Variants in MAP3K7CL observed in about 807,000 individuals in gnomAD.
MAP3K7CL encodes the protein MAP3K7 C-terminal-like protein.
MAP3K7CL carries 16 observed loss-of-function variants against 18.6 expected under a neutral mutation model. That is an observed-to-expected ratio of 0.86 (90% CI 0.58 to 1.31). MAP3K7CL has a LOEUF of 1.31. Among genes scored for constraint, MAP3K7CL ranks in the 50% most tolerant of loss-of-function variants. The probability of loss-of-function intolerance (pLI) is 0.00; values close to 1 mark genes in which losing one functional copy is unlikely to be tolerated. For synonymous variants in MAP3K7CL, 65 were observed against 66.8 expected (o/e 0.97, Z 0.13); for missense variants, 163 against 174.4 (o/e 0.93, Z 0.37).
intron 4 of MAP3K7CL, among the ~76,000 whole-genome samples, chr21:29,110,994 C>T (rs1286726916): frequency 1.3e-5 from 2 of 152,102 alleles, no homozygotes; most frequent in Admixed American, 6.6e-5. Flanking sequence ...CAGTGGCTCA[C>T]GGCTGTAATC....
intron 1 of MAP3K7CL, among the ~76,000 whole-genome samples, chr21:29,090,721 G>C (rs1388800327): frequency 6.6e-6 from 1 of 151,056 alleles, no homozygotes; most frequent in Non-Finnish European, 1.5e-5. Flanking sequence ...GACTTTTTTT[G>C]CATGGAGCCA....
At chr21:29,121,290 C>G (rs959427670) in intron 4 of MAP3K7CL, among the ~76,000 whole-genome samples, 3 of 151,874 alleles carry the variant, frequency 2.0e-5, no homozygotes, top group African/African-American at 7.3e-5. Context: ...GTGGCCAACT[C>G]ATGGGAAAAC....
chr21:29,160,072 C>G lies in MAP3K7CL; in HGVS notation c.248+16C>G, dbSNP rs750091957. The G allele has an allele frequency of 1.3e-6, 2 of 1,593,476 alleles. No individual in the cohort carries two copies. Among genetic ancestry groups the G allele is most frequent in the Admixed American group, 3.3e-5 (2 of 59,922 alleles). On this transcript the variant is annotated intron_variant, in intron 4 of 4. Coordinates refer to ENST00000399928, the MANE Select transcript of MAP3K7CL (RefSeq NM_001286620.2). Reference sequence around the variant, plus strand: ...AGCAAAGGAAGTAAGTACCTACCCCCCTCACTCTACATCTGAGCACTGCCT... The same window carrying G: ...AGCAAAGGAAGTAAGTACCTACCCCGCTCACTCTACATCTGAGCACTGCCT...
At chr21:29,111,937 C>T (rs998289427) in intron 4 of MAP3K7CL, among the ~76,000 whole-genome samples, 1 of 152,168 alleles carries the variant, frequency 6.6e-6, no homozygotes, top group Non-Finnish European at 1.5e-5. Flanking sequence ...CTTTCCAAAC[C>T]CAGACTTTGT....
At chr21:29,158,916 A>AAT (rs2087471589) in intron 3 of MAP3K7CL, among the ~76,000 whole-genome samples, 1 of 120,328 alleles carries the variant, frequency 8.3e-6, no homozygotes, top group African/African-American at 3.7e-5. Flanking sequence ...TAAAAGTAGT[A>AAT]CTTTTTTTTT....
intron 4 of MAP3K7CL, among the ~76,000 whole-genome samples, chr21:29,171,242 T>C (rs942031940): frequency 6.6e-6 from 1 of 152,226 alleles, no homozygotes; most frequent in African/African-American, 2.4e-5. Context: ...GTATTTATTG[T>C]GAGCCTATTC....
In MAP3K7CL at chr21:29,130,929, C is replaced by T; in HGVS notation, c.-40+6C>T. ...CAGACACTCAACTAAGTGAGGTAAG[C>T]CAACAGGTGTGAAAACTGAACTAAA... On this transcript the variant is annotated splice_donor_region_variant and intron_variant, in intron 1 of 4. Transcript: ENST00000399928. 7 of 985,300 alleles carry T rather than the reference C, an allele frequency of 7.1e-6. No homozygotes were observed. The highest frequency in any genetic ancestry group is 8.4e-6 in the Non-Finnish European group (7 of 829,780). The allele number at this position is 985,300 out of a possible 1,614,324, so 61.0% of individuals were successfully genotyped here.
intron 2 of MAP3K7CL, among the ~76,000 whole-genome samples, chr21:29,144,449 G>A (rs1250286061): frequency 6.6e-6 from 1 of 152,186 alleles, no homozygotes; most frequent in African/African-American, 2.4e-5. Flanking sequence ...ACAAGTATGA[G>A]TCACTGTGCC....
At chr21:29,170,458 A>G (rs2087797443) in intron 4 of MAP3K7CL, among the ~76,000 whole-genome samples, 1 of 152,054 alleles carries the variant, frequency 6.6e-6, no homozygotes, top group Admixed American at 6.5e-5. Context: ...GAGGTTAGAT[A>G]TGGAGCCAGG....
intron 4 of MAP3K7CL, among the ~76,000 whole-genome samples, chr21:29,095,105 G>A (rs1212685018): frequency 2.0e-5 from 3 of 148,566 alleles, no homozygotes; most frequent in African/African-American, 7.5e-5. Flanking sequence ...AGAGGAGAGG[G>A]GAGGGGAGGG....
chr21:29,079,566 A>AGG (rs1385847723), intron 1 of MAP3K7CL, among the ~76,000 whole-genome samples: 2 of 152,236 alleles, frequency 1.3e-5, no homozygotes, highest in African/African-American at 4.8e-5. Flanking sequence ...AAAAGCCCCC[A>AGG]GGTTCTGCTA....
chr21:29,111,465 C>T (rs1056836818), intron 4 of MAP3K7CL, among the ~76,000 whole-genome samples: 5 of 152,124 alleles, frequency 3.3e-5, no homozygotes, highest in African/African-American at 1.2e-4. Context: ...CCATTGTCCC[C>T]CTTCCCACTG....
chr21:29,129,718 C>T (rs1428245421), upstream of MAP3K7CL, among the ~76,000 whole-genome samples: 1 of 152,186 alleles, frequency 6.6e-6, no homozygotes, highest in Non-Finnish European at 1.5e-5. Flanking sequence ...TTGTAAGAAA[C>T]TGCCCAACTG....
chr21:29,160,168 T>C, intron 4 of MAP3K7CL, 112 bp downstream of exon 4: 1 of 699,374 alleles, frequency 1.4e-6, no homozygotes, highest in Non-Finnish European at 2.4e-6. Context: ...GCAAGGGGGT[T>C]ACAGCAATGA....
chr21:29,134,882 T>C (rs1482366554), intron 2 of MAP3K7CL, among the ~76,000 whole-genome samples: 1 of 152,028 alleles, frequency 6.6e-6, no homozygotes, highest in Non-Finnish European at 1.5e-5. Flanking sequence ...ACCCTGTCTC[T>C]ACTAAAAATA....
intron 4 of MAP3K7CL, among the ~76,000 whole-genome samples, chr21:29,120,525 G>C (rs1404368464): frequency 6.6e-6 from 1 of 152,104 alleles, no homozygotes; most frequent in Non-Finnish European, 1.5e-5. Flanking sequence ...TATGAAAAGG[G>C]CCTAGCTGAG....
upstream of MAP3K7CL, among the ~76,000 whole-genome samples, chr21:29,084,530 A>G (rs546378616): frequency 9.7e-4 from 148 of 152,312 alleles, no homozygotes; most frequent in African/African-American, 3.4e-3. Context: ...TTTTATTACA[A>G]TGATTTCCTC....
chr21:29,171,721 C>T (rs2087832331), intron 4 of MAP3K7CL, among the ~76,000 whole-genome samples: 1 of 144,724 alleles, frequency 6.9e-6, no homozygotes, highest in East Asian at 2.2e-4. Flanking sequence ...GCAGGAGAAT[C>T]GCTTGATCCC....
At chr21:29,103,762 A>T (rs1399016544) in intron 4 of MAP3K7CL, among the ~76,000 whole-genome samples, 1 of 150,044 alleles carries the variant, frequency 6.7e-6, no homozygotes, top group Non-Finnish European at 1.5e-5. Flanking sequence ...GCCAGGCATG[A>T]TGTTATGCAC....
Sources: gnomAD v4.1 joint callset for allele counts (sites outside exome capture counted in the v4.1 genomes callset) on GRCh38, gnomAD v4.1.1 for gene constraint, MANE v1.5 for transcripts, NCBI Gene and HGNC (gene_info 2026-07-23, HGNC 2026-07-21) for gene names.